The following ALDH1L2 variants were observed in gnomAD, a reference collection of about 807,000 sequenced individuals.
ALDH1L2 encodes the protein aldehyde dehydrogenase 1 family member L2.
In ALDH1L2, 91 loss-of-function variants were observed where a neutral mutation model predicts 111.0. The observed-to-expected ratio is 0.82, with a 90% CI of 0.69 to 0.98. The LOEUF (loss-of-function observed/expected upper bound fraction) is 0.98, where lower values mean the gene tolerates loss of function less well. ALDH1L2 is among the 50% of genes least tolerant of loss of function. The pLI is 0.00. For missense variants in ALDH1L2, 995 were observed against 1,126.8 expected, an observed-to-expected ratio of 0.88 and a Z score of 1.67; for synonymous variants, 374 against 392.6, an observed-to-expected ratio of 0.95 and a Z score of 0.56.
intron 1 of ALDH1L2, among the ~76,000 whole-genome samples, chr12:105,075,743 T>G (rs1251233156): frequency 6.6e-6 from 1 of 152,250 alleles, no homozygotes; most frequent in African/African-American, 2.4e-5. Context: ...ATGTTTATAA[T>G]GAGTTAGCAA....
chr12:105,077,719 C>G (rs1443057002), intron 1 of ALDH1L2, among the ~76,000 whole-genome samples: 1 of 149,308 alleles, frequency 6.7e-6, no homozygotes, highest in East Asian at 1.9e-4. Flanking sequence ...TAATACAGAC[C>G]CTGACTATGC....
intron 19 of ALDH1L2, 140 bp from the exon 20 acceptor site, chr12:105,032,074 G>GTT (rs201142279): frequency 4.5e-3 from 2,373 of 528,938 alleles, no homozygotes; most frequent in South Asian, 6.7e-3. Flanking sequence ...TAGGTGGTTG[G>GTT]TTTTTTTTTT....
At chr12:105,051,917 T>C (rs1287793691) in intron 12 of ALDH1L2, among the ~76,000 whole-genome samples, 173 bp downstream of exon 12, 1 of 152,046 alleles carries the variant, frequency 6.6e-6, no homozygotes, top group African/African-American at 2.4e-5. Flanking sequence ...CCTGAGTTGC[T>C]GGGACTACAG....
At chr12:105,032,475 G>T (rs912081985) in intron 19 of ALDH1L2, among the ~76,000 whole-genome samples, 4 of 152,054 alleles carry the variant, frequency 2.6e-5, no homozygotes, top group African/African-American at 9.7e-5. Context: ...CTGACCTCAG[G>T]CAATCCACCC....
rs1874423957 is a variant in ALDH1L2, at chr12:105,026,647, C to T, written c.2614G>A (p.Glu872Lys). ...RDINKAMYVS[E>K]KLEAGTVFIN... ...AAAACAGTTCCTGCTTCCAGTTTTTCACTCACATACATAGCTTTGTTTATG... is the reference window on the plus strand; with the variant it reads ...AAAACAGTTCCTGCTTCCAGTTTTTTACTCACATACATAGCTTTGTTTATG... The change falls in exon 22 of 23, where the codon GAA (glutamate) becomes AAA (lysine). Residue 872 changes from glutamate to lysine, a missense_variant. Transcript: ENST00000258494. The T allele has an allele frequency of 6.2e-7, 1 of 1,614,194 alleles. No individual in the cohort carries two copies. Among genetic ancestry groups the T allele is most frequent in the East Asian group, 2.2e-5 (1 of 44,870 alleles).
intron 15 of ALDH1L2, among the ~76,000 whole-genome samples, chr12:105,042,899 T>TA (rs1445298708): frequency 3.3e-5 from 5 of 152,166 alleles, no homozygotes; most frequent in Non-Finnish European, 7.4e-5. Context: ...TTCACACTCT[T>TA]AAAAACCAAC....
Position 105,061,650 on chromosome 12 carries a change from C to T in ALDH1L2, c.1024G>A (p.Val342Met), listed in dbSNP as rs773537935. The T allele has an allele frequency of 1.2e-6, 2 of 1,614,148 alleles. No individual in the cohort carries two copies. The highest frequency in any genetic ancestry group is 1.7e-6 in the Non-Finnish European group (2 of 1,180,032). Residue 342 changes from valine to methionine, a missense_variant, in exon 8 of 23, where the codon GTG becomes ATG. Val to Met is a conservative substitution (Grantham distance 21). Transcript: ENST00000258494. Reference sequence around the variant, plus strand: ...ACCTTGATGGTCTCTGCCACTTTCACCTCTTCAGCTGTCAGTTCTACCACT... The same window carrying T: ...ACCTTGATGGTCTCTGCCACTTTCATCTCTTCAGCTGTCAGTTCTACCACT... Reference protein sequence around the residue: ...TSVVELTAEEVKVAETIKVIW... With the variant: ...TSVVELTAEEMKVAETIKVIW...
At chr12:105,060,827 G>GGA (rs1876948297) in intron 9 of ALDH1L2, 154 bp downstream of exon 9, 5 of 138,426 alleles carry the variant, frequency 3.6e-5, no homozygotes, top group Non-Finnish European at 1.3e-5. Context: ...TCCATCTCAG[G>GGA]AAAAAAAAAA....
At chr12:105,082,116 C>T (rs1878362318) in intron 1 of ALDH1L2, among the ~76,000 whole-genome samples, 2 of 152,314 alleles carry the variant, frequency 1.3e-5, no homozygotes, top group Middle Eastern at 3.4e-3. Context: ...ATTGCTTGAA[C>T]CCCGGAGGCA....
chr12:105,075,300 G>A (rs1381970059), intron 1 of ALDH1L2, among the ~76,000 whole-genome samples: 2 of 152,184 alleles, frequency 1.3e-5, no homozygotes, highest in African/African-American at 4.8e-5. Context: ...AAGAAGCCAT[G>A]TTGGCCGGGC....
intron 21 of ALDH1L2, 74 bp from the exon 22 acceptor site, chr12:105,026,818 C>T (rs1874437506): frequency 6.4e-7 from 1 of 1,556,442 alleles, no homozygotes; most frequent in South Asian, 1.2e-5. Flanking sequence ...GAAAATTTTC[C>T]CATCTATGCT....
intron 1 of ALDH1L2, among the ~76,000 whole-genome samples, chr12:105,074,553 C>A (rs866031381): frequency 6.6e-6 from 1 of 151,678 alleles, no homozygotes; most frequent in East Asian, 1.9e-4. Flanking sequence ...CCTCTCTTGG[C>A]AGTGCCTCCG....
chr12:105,081,209 A>C (rs758496024), intron 1 of ALDH1L2, among the ~76,000 whole-genome samples: 11 of 152,236 alleles, frequency 7.2e-5, no homozygotes, highest in South Asian at 2.1e-4. Flanking sequence ...AGGGACAACA[A>C]GGGACAATTG....
intron 2 of ALDH1L2, among the ~76,000 whole-genome samples, chr12:105,071,672 TG>T (rs796722818): frequency 0.017 from 822 of 49,104 alleles, 262 homozygotes; most frequent in Non-Finnish European, 0.024. Flanking sequence ...TTTTTTTTTT[TG>T]TGAGACGGAG....
At position 105,038,129 on chromosome 12, in the gene ALDH1L2, A is replaced by G. The variant is rs778430653; in HGVS notation, c.2119T>C (p.Cys707Arg). 17 of 1,613,650 alleles carry G rather than the reference A, an allele frequency of 1.1e-5. No homozygotes were observed. The Admixed American group carries it at 1.7e-4, about 16-fold the overall frequency. Reference sequence around the variant, plus strand: ...ATTCGCACAGCCTTGTCAAGTTCACAGTCATTAAATATTATAAGTGGAGAC... The same window carrying G: ...ATTCGCACAGCCTTGTCAAGTTCACGGTCATTAAATATTATAAGTGGAGAC... ...GKSPLIIFND[C>R]ELDKAVRMGM... The change falls in exon 18 of 23, where the codon TGT becomes CGT. Residue 707 changes from cysteine (C) to arginine (R), a missense_variant. By Grantham distance (180) the Cys-to-Arg change is radical. Coordinates refer to ENST00000258494, the MANE Select transcript of ALDH1L2 (RefSeq NM_001034173.4).
rs563522843 is a variant in ALDH1L2 at position 105,021,173 on chromosome 12, A to G, written c.*3251T>C. ...AGGTAAATACGTTGGACTTTGGTCTACGTGAAATGGGGGCCATTGAAAGGT... is the reference window on the plus strand; with the variant it reads ...AGGTAAATACGTTGGACTTTGGTCTGCGTGAAATGGGGGCCATTGAAAGGT... On this transcript the variant is annotated 3_prime_UTR_variant, in exon 23 of 23. Transcript: ENST00000258494. The G allele has an allele frequency of 2.0e-5, 3 of 152,406 alleles. No individual in the cohort carries two copies. The Middle Eastern group carries it at 0.01, about 518-fold the overall frequency. 9.4% of individuals were successfully genotyped at this position (152,406 alleles called of 1,614,324 possible).
At chr12:105,063,670 G>A (rs1361070228) in intron 6 of ALDH1L2, among the ~76,000 whole-genome samples, 1 of 150,804 alleles carries the variant, frequency 6.6e-6, no homozygotes, top group Non-Finnish European at 1.5e-5. Flanking sequence ...GTTTGGGTGG[G>A]TGGGGAGGTG....
At chr12:105,058,345 A>T in intron 9 of ALDH1L2, 125 bp from the exon 10 acceptor site, 1 of 947,670 alleles carries the variant, frequency 1.1e-6, no homozygotes, top group South Asian at 2.5e-5. Flanking sequence ...ATATCCTATG[A>T]GATCTTCTGT....
intron 5 of ALDH1L2, 122 bp from the exon 6 acceptor site, chr12:105,065,478 C>T (rs555727809): frequency 9.5e-6 from 7 of 737,444 alleles, no homozygotes; most frequent in Non-Finnish European, 1.5e-5. Context: ...ATTTTTGCTT[C>T]TTAGTTTTAT....
Sources: allele counts gnomAD v4.1 joint callset (sites outside exome capture counted in the v4.1 genomes callset), GRCh38; gene constraint gnomAD v4.1.1; transcripts MANE v1.5; gene names NCBI Gene and HGNC (gene_info 2026-07-23, HGNC 2026-07-21).